CA10: variants seen among roughly 807,000 people sequenced by gnomAD.
CA10 encodes carbonic anhydrase-related protein 10.
Under a neutral mutation model 44.2 loss-of-function variants are expected in CA10, and 14 were observed. The ratio of observed to expected loss-of-function variants is 0.32; its 90% CI spans 0.21 to 0.50. The LOEUF (loss-of-function observed/expected upper bound fraction) is 0.50, where lower values mean the gene tolerates loss of function less well. CA10 is among the 20% of genes least tolerant of loss of function. CA10 has a pLI of 0.99. For missense variants in CA10, 350 were observed against 409.7 expected (o/e 0.85, Z 1.26); for synonymous variants, 159 against 141.6 (o/e 1.12, Z -0.87).
At chr17:52,104,153 C>A (rs1988604180) in intron 1 of CA10, among the ~76,000 whole-genome samples, 1 of 151,268 alleles carries the variant, frequency 6.6e-6, no homozygotes, top group South Asian at 2.1e-4. Context: ...GGCTCCCATA[C>A]AAAGGAGGGT....
At chr17:51,748,849 T>C (rs1299074891) in intron 3 of CA10, among the ~76,000 whole-genome samples, 1 of 152,234 alleles carries the variant, frequency 6.6e-6, no homozygotes, top group Non-Finnish European at 1.5e-5. Flanking sequence ...CTGCCTCTTT[T>C]CCACCTTTCT....
At chr17:51,973,784 A>C (rs993369596) in intron 2 of CA10, among the ~76,000 whole-genome samples, 2 of 152,222 alleles carry the variant, frequency 1.3e-5, no homozygotes, top group African/African-American at 4.8e-5. Context: ...GAAAGACAAT[A>C]ATATTTCAGC....
intron 4 of CA10, among the ~76,000 whole-genome samples, chr17:51,698,330 GTCT>G (rs1318109222): frequency 3.9e-5 from 6 of 152,186 alleles, no homozygotes; most frequent in African/African-American, 9.7e-5. Context: ...GACGAAACAA[GTCT>G]TCTTCAGTTT....
intron 3 of CA10, among the ~76,000 whole-genome samples, chr17:51,765,717 GTGTGTGTA>G (rs1253256137): frequency 0.019 from 2,760 of 146,574 alleles, 66 homozygotes; most frequent in African/African-American, 0.066. Context: ...GTGTGTGTGT[GTGTGTGTA>G]TGTGTGTGTG....
chr17:51,851,866 G>T (rs1031901839), intron 3 of CA10, among the ~76,000 whole-genome samples: 1 of 152,138 alleles, frequency 6.6e-6, no homozygotes, highest in African/African-American at 2.4e-5. Context: ...TTAGTTAAAA[G>T]GTTTAGATTT....
At chr17:51,935,822 C>T (rs192111125) in intron 2 of CA10, among the ~76,000 whole-genome samples, 112 of 152,210 alleles carry the variant, frequency 7.4e-4, no homozygotes, top group African/African-American at 2.2e-3. Flanking sequence ...ACCTTGGCAA[C>T]GTCTGGACAA....
intron 4 of CA10, among the ~76,000 whole-genome samples, chr17:51,707,671 A>G (rs55810346): frequency 0.027 from 3,791 of 142,996 alleles, 190 homozygotes; most frequent in African/African-American, 0.092. Flanking sequence ...GTGGATGAAT[A>G]TGTGTGTGTG....
chr17:51,727,302 T>A (rs994168919), intron 4 of CA10, among the ~76,000 whole-genome samples: 2 of 152,196 alleles, frequency 1.3e-5, no homozygotes, highest in African/African-American at 4.8e-5. Flanking sequence ...TCCCCCCATC[T>A]CTGATGAGTG....
chr17:51,704,629 C>A (rs1363672439), intron 4 of CA10, among the ~76,000 whole-genome samples: 3 of 152,198 alleles, frequency 2.0e-5, no homozygotes, highest in Non-Finnish European at 2.9e-5. Context: ...TGCCCATCCA[C>A]TCTATCTTCT....
At chr17:52,027,299 C>T (rs531095378) in intron 2 of CA10, among the ~76,000 whole-genome samples, 2 of 152,174 alleles carry the variant, frequency 1.3e-5, no homozygotes, top group South Asian at 2.1e-4. Context: ...CCTCACTCAC[C>T]TGTTGCTGCT....
chr17:51,656,306 TG>T, intron 4 of CA10, among the ~76,000 whole-genome samples: 1 of 152,302 alleles, frequency 6.6e-6, no homozygotes, highest in East Asian at 1.9e-4. Flanking sequence ...TCCTGGGCCA[TG>T]GGCTGCCTCT....
intron 1 of CA10, among the ~76,000 whole-genome samples, chr17:52,147,538 T>C (rs2970052): frequency 0.76 from 115,157 of 151,618 alleles, 44,486 homozygotes; most frequent in African/African-American, 0.91. Flanking sequence ...TAAAATTGCA[T>C]GTGGCTCTCA....
chr17:51,771,772 G>C (rs899226919), intron 3 of CA10, among the ~76,000 whole-genome samples: 1 of 152,174 alleles, frequency 6.6e-6, no homozygotes, highest in Non-Finnish European at 1.5e-5. Flanking sequence ...TGGCAGAATG[G>C]GGCAGGAGGG....
chr17:52,031,103 T>C (rs1986453094), intron 2 of CA10, among the ~76,000 whole-genome samples: 2 of 151,966 alleles, frequency 1.3e-5, no homozygotes, highest in African/African-American at 4.8e-5. Context: ...AAGGCATAAG[T>C]CAAGAAAAAT....
At chr17:51,995,090 T>C (rs1009608291) in intron 2 of CA10, among the ~76,000 whole-genome samples, 2 of 152,016 alleles carry the variant, frequency 1.3e-5, no homozygotes, top group African/African-American at 4.8e-5. Context: ...GATCAACAAA[T>C]AGGCGTAGCC....
At chr17:51,913,784 A>G (rs75733318) in intron 3 of CA10, among the ~76,000 whole-genome samples, 155 of 152,230 alleles carry the variant, frequency 1.0e-3, no homozygotes, top group African/African-American at 3.5e-3. Context: ...TGCTGAGCCA[A>G]ATACCATTGC....
At chr17:51,792,862 T>C (rs1906573526) in intron 3 of CA10, among the ~76,000 whole-genome samples, 1 of 152,234 alleles carries the variant, frequency 6.6e-6, no homozygotes, top group South Asian at 2.1e-4. Context: ...CGCATAAATT[T>C]GTATTCTCCA....
At chr17:51,789,218 G>C (rs748534623) in intron 3 of CA10, among the ~76,000 whole-genome samples, 1 of 152,088 alleles carries the variant, frequency 6.6e-6, no homozygotes, top group African/African-American at 2.4e-5. Context: ...GTTTCACCAC[G>C]TTGGTCAGGC....
intron 2 of CA10, among the ~76,000 whole-genome samples, chr17:52,007,486 G>A (rs1985639863): frequency 6.6e-6 from 1 of 151,476 alleles, no homozygotes; most frequent in African/African-American, 2.4e-5. Context: ...CTATTGAAGT[G>A]ATTGTGTGAT....
Sources: allele counts gnomAD v4.1 joint callset (sites outside exome capture counted in the v4.1 genomes callset), GRCh38; gene constraint gnomAD v4.1.1; transcripts MANE v1.5; gene names NCBI Gene and HGNC (gene_info 2026-07-23, HGNC 2026-07-21).